SCARA3: variants seen among roughly 807,000 people sequenced by gnomAD.
SCARA3 encodes the protein scavenger receptor class A member 3, also known as cellular stress response gene protein.
Under a neutral mutation model 47.0 loss-of-function variants are expected in SCARA3, and 39 were observed. That is an observed-to-expected ratio of 0.83 (90% confidence interval 0.64 to 1.08). The LOEUF is 1.08. Ranked by LOEUF, SCARA3 falls within the 50% of genes least tolerant of loss-of-function variation. The pLI is 0.00. For missense variants in SCARA3, 724 were observed against 792.3 expected, an observed-to-expected ratio of 0.91 and a Z score of 1.04; for synonymous variants, 356 against 334.1, an observed-to-expected ratio of 1.07 and a Z score of -0.71.
intron 5 of SCARA3, among the ~76,000 whole-genome samples, chr8:27,666,974 A>G (rs1802030155): frequency 6.6e-6 from 1 of 152,244 alleles, no homozygotes; most frequent in African/African-American, 2.4e-5. Flanking sequence ...ACCGGACTCC[A>G]GGGTGTGCCG....
chr8:27,701,439 AT>A, the SCARA3 span: 1 of 152,054 alleles, frequency 6.6e-6, no homozygotes, highest in Non-Finnish European at 1.5e-5. Flanking sequence ...AGTACAGTAG[AT>A]TTTTTTAAAA....
At chr8:27,655,822 T>G (rs987791958) in intron 3 of SCARA3, among the ~76,000 whole-genome samples, 2 of 152,214 alleles carry the variant, frequency 1.3e-5, no homozygotes, top group African/African-American at 4.8e-5. Context: ...AAGTAGTGAT[T>G]TTAAAGTGAT....
At chr8:27,687,516 G>C in the SCARA3 span, among the ~76,000 whole-genome samples, 1 of 152,112 alleles carries the variant, frequency 6.6e-6, no homozygotes, top group Non-Finnish European at 1.5e-5. Flanking sequence ...GAAAGGCAGA[G>C]AGAAAAAGGG....
chr8:27,721,061 C>T, the SCARA3 span, among the ~76,000 whole-genome samples: 3 of 152,100 alleles, frequency 2.0e-5, no homozygotes, highest in Non-Finnish European at 4.4e-5. Context: ...TCCATCTACT[C>T]ACCTACTCAT....
At chr8:27,643,548 T>C (rs1173320056) in intron 1 of SCARA3, among the ~76,000 whole-genome samples, 1 of 152,194 alleles carries the variant, frequency 6.6e-6, no homozygotes, top group African/African-American at 2.4e-5. Context: ...AAAGGAAGCC[T>C]GTGGAGAGGG....
At chr8:27,714,192 C>CTTTTTT in the SCARA3 span, among the ~76,000 whole-genome samples, 1 of 114,346 alleles carries the variant, frequency 8.7e-6, no homozygotes, top group African/African-American at 3.7e-5. Context: ...CTCAGGTATT[C>CTTTTTT]CTTTTTTTTT....
intron 5 of SCARA3, 53 bp downstream of exon 5, chr8:27,659,592 G>A: frequency 1.4e-6 from 2 of 1,464,868 alleles, no homozygotes; most frequent in Non-Finnish European, 1.8e-6. Context: ...GAGGCTTGGT[G>A]ATCTTGCTGG....
Position 27,659,252 on chromosome 8 carries a change from T to C in SCARA3, c.1082T>C (p.Phe361Ser), listed in dbSNP as rs151226686. Residue 361 changes from phenylalanine (F) to serine (S), a missense_variant, in exon 5 of 6, where the codon TTC becomes TCC. Phe to Ser is a radical substitution (Grantham distance 155). Coordinates refer to ENST00000301904, the MANE Select transcript of SCARA3 (RefSeq NM_016240.3). ...CACGAGATTGAAATTGGCACCATCT[T>C]CACCAACATCAATGCCACCGACAAC... ...ASHEIEIGTIFTNINATDNHV... is the reference protein window; with the variant it reads ...ASHEIEIGTISTNINATDNHV... 2.5e-6 allele frequency: 4 copies of C among 1,613,942 alleles called. No individual in the cohort carries two copies. Among genetic ancestry groups the C allele is most frequent in the Non-Finnish European group, 3.4e-6 (4 of 1,180,020 alleles).
intron 1 of SCARA3, 105 bp downstream of exon 1, chr8:27,634,312 C>T (rs1801200211): frequency 1.9e-6 from 2 of 1,050,376 alleles, no homozygotes; most frequent in East Asian, 6.4e-5. Context: ...GAGAGGAGGG[C>T]AGGGCGCCTC....
chr8:27,637,280 C>T (rs949505154), intron 1 of SCARA3, among the ~76,000 whole-genome samples: 6 of 152,252 alleles, frequency 3.9e-5, no homozygotes, highest in African/African-American at 1.2e-4. Flanking sequence ...CCCTCTCACA[C>T]GCAGCCCTAA....
At chr8:27,690,812 C>A in the SCARA3 span, among the ~76,000 whole-genome samples, 631 of 152,204 alleles carry the variant, frequency 4.1e-3, 5 homozygotes, top group African/African-American at 0.015. Context: ...CCTCCCACCT[C>A]TGCCTGGCTA....
the SCARA3 span, among the ~76,000 whole-genome samples, chr8:27,715,841 GATAGATAGATAGATAGATAGATAC>G: frequency 2.9e-4 from 33 of 111,874 alleles, no homozygotes; most frequent in South Asian, 7.0e-4. This position sits in a 1 kb window ranked among gnomAD's most constrained non-coding sequence, Gnocchi z 4.2. Context: ...TAGATAGATA[GATAGATAGATAGATAGATAGATAC>G]ATAGATAGAT....
the SCARA3 span, among the ~76,000 whole-genome samples, chr8:27,724,110 A>G: frequency 1.3e-5 from 2 of 152,238 alleles, no homozygotes; most frequent in African/African-American, 4.8e-5. Flanking sequence ...CTTGCCATCA[A>G]TCACAGGCAA....
chr8:27,647,920 C>T (rs530223133), intron 1 of SCARA3, among the ~76,000 whole-genome samples: 2 of 152,152 alleles, frequency 1.3e-5, no homozygotes, highest in African/African-American at 2.4e-5. Flanking sequence ...TCACAATGGC[C>T]GTGGCATGGC....
At chr8:27,711,958 T>G in the SCARA3 span, among the ~76,000 whole-genome samples, 6 of 152,206 alleles carry the variant, frequency 3.9e-5, no homozygotes, top group Admixed American at 3.3e-4. Flanking sequence ...ACTCTTGGTG[T>G]TGTACAGTCT....
chr8:27,689,443 G>C, the SCARA3 span, among the ~76,000 whole-genome samples: 1 of 152,116 alleles, frequency 6.6e-6, no homozygotes, highest in African/African-American at 2.4e-5. Context: ...TCCAAGCTAA[G>C]CCACTGACCC....
In SCARA3 at chr8:27,634,544, C is replaced by A. The variant is rs185970078; in HGVS notation, c.7+337C>A. On this transcript the variant is annotated intron_variant, in intron 1 of 5. Transcript: ENST00000301904. ...AGAAAGGCATCACCAGCCCAACTTT[C>A]CAGCAGTGTAAATTTCGACCCTGGG... Among the ~76,000 whole-genome samples the A allele has an allele frequency of 1.6e-3, 251 of 152,294 alleles. 1 individual carries two copies. The highest frequency in any genetic ancestry group is 5.3e-3 in the African/African-American group (220 of 41,566).
chr8:27,693,263 C>T, the SCARA3 span, among the ~76,000 whole-genome samples: 1 of 152,138 alleles, frequency 6.6e-6, no homozygotes, highest in Non-Finnish European at 1.5e-5. Context: ...GTCTTAAGTC[C>T]TCCTAAAATG....
the SCARA3 span, among the ~76,000 whole-genome samples, chr8:27,687,390 C>T: frequency 1.3e-5 from 2 of 152,166 alleles, no homozygotes; most frequent in East Asian, 3.9e-4. Context: ...AGTCTCCTTC[C>T]TCAATCTTGC....
Sources: allele counts gnomAD v4.1 joint callset (sites outside exome capture counted in the v4.1 genomes callset), GRCh38; gene constraint gnomAD v4.1.1; non-coding constraint Gnocchi (gnomAD v3.1); transcripts MANE v1.5; gene names NCBI Gene and HGNC (gene_info 2026-07-23, HGNC 2026-07-21).